Variants in BMP2K observed in about 807,000 individuals in gnomAD.
BMP2K encodes the protein BMP-2-inducible protein kinase.
Under a neutral mutation model 116.0 loss-of-function variants are expected in BMP2K, and 74 were observed. The observed-to-expected ratio is 0.64, with a 90% CI of 0.53 to 0.77. The LOEUF (loss-of-function observed/expected upper bound fraction) is 0.77. BMP2K is among the 30% of genes least tolerant of loss of function. BMP2K has a pLI of 0.00. For synonymous variants in BMP2K, 486 were observed against 502.5 expected, an observed-to-expected ratio of 0.97 and a Z score of 0.44; for missense variants, 1,365 against 1,403.6, an observed-to-expected ratio of 0.97 and a Z score of 0.44.
intron 15 of BMP2K, among the ~76,000 whole-genome samples, chr4:78,902,645 G>A (rs1734069729): frequency 6.6e-6 from 1 of 152,068 alleles, no homozygotes; most frequent in African/African-American, 2.4e-5. Flanking sequence ...AATCTGATAG[G>A]TAAGAAAAGA....
chr4:78,843,054 A>G (rs1436649712), intron 4 of BMP2K, among the ~76,000 whole-genome samples: 1 of 151,942 alleles, frequency 6.6e-6, no homozygotes, highest in Non-Finnish European at 1.5e-5. Context: ...TTGACCTCTT[A>G]TATTGGTACC....
At chr4:78,797,330 T>G (rs1728346204) in intron 1 of BMP2K, among the ~76,000 whole-genome samples, 1 of 152,186 alleles carries the variant, frequency 6.6e-6, no homozygotes, top group Non-Finnish European at 1.5e-5. Context: ...CCAAAAGTGA[T>G]CAAATCAGTC....
intron 15 of BMP2K, among the ~76,000 whole-genome samples, chr4:78,903,367 TTAAG>T (rs773759567): frequency 3.3e-5 from 5 of 152,012 alleles, no homozygotes; most frequent in Non-Finnish European, 4.4e-5. Context: ...TCACAACTTT[TTAAG>T]TAAGTAAGCT....
intron 4 of BMP2K, 95 bp from the exon 5 acceptor site, chr4:78,844,833 G>A (rs1300902093): frequency 1.8e-6 from 2 of 1,100,492 alleles, no homozygotes; most frequent in African/African-American, 1.6e-5. Flanking sequence ...GTAAAAATAA[G>A]CTTCGTATGT....
chr4:78,786,260 C>G (rs568677034), intron 1 of BMP2K, among the ~76,000 whole-genome samples: 105 of 152,224 alleles, frequency 6.9e-4, no homozygotes, highest in Non-Finnish European at 1.1e-3. Flanking sequence ...GATCCCTCAT[C>G]CCTTGCACTA....
intron 15 of BMP2K, among the ~76,000 whole-genome samples, chr4:78,899,443 A>G (rs1733883055): frequency 6.6e-6 from 1 of 152,194 alleles, no homozygotes; most frequent in Non-Finnish European, 1.5e-5. Context: ...ATTTAGACAC[A>G]AAAGAAGACA....
At chr4:78,876,634 G>A (rs1479563036) in intron 13 of BMP2K, among the ~76,000 whole-genome samples, 1 of 152,088 alleles carries the variant, frequency 6.6e-6, no homozygotes, top group Non-Finnish European at 1.5e-5. Flanking sequence ...TAAATTTAGG[G>A]GATCAGTTAA....
intron 14 of BMP2K, among the ~76,000 whole-genome samples, chr4:78,882,825 C>T (rs1732927209): frequency 6.6e-6 from 1 of 151,912 alleles, no homozygotes; most frequent in Admixed American, 6.6e-5. Context: ...TATGAAGCCA[C>T]AGAATGATAA....
intron 12 of BMP2K, 195 bp from the exon 13 acceptor site, chr4:78,872,419 C>G: frequency 2.3e-6 from 1 of 434,276 alleles, no homozygotes; most frequent in South Asian, 4.8e-5. Flanking sequence ...GTGAGCCTAC[C>G]TTTACAACTT....
At chr4:78,867,437 G>A (rs1388986874) in intron 10 of BMP2K, among the ~76,000 whole-genome samples, 1 of 152,134 alleles carries the variant, frequency 6.6e-6, no homozygotes. Flanking sequence ...AGACTTAGCT[G>A]TGATTGCCAG....
chr4:78,808,118 G>A (rs1265768878), intron 1 of BMP2K, among the ~76,000 whole-genome samples: 1 of 151,756 alleles, frequency 6.6e-6, no homozygotes, highest in Non-Finnish European at 1.5e-5. Context: ...GCAGTGGTGT[G>A]ATCTTGGCTC....
chr4:78,906,186 T>A (rs1180422299), intron 15 of BMP2K: 1 of 152,068 alleles, frequency 6.6e-6, no homozygotes, highest in East Asian at 1.9e-4. Flanking sequence ...GGATTAATAG[T>A]TTGTCTTAGT....
intron 1 of BMP2K, among the ~76,000 whole-genome samples, chr4:78,807,556 TTTTTTTC>T (rs1332522993): frequency 7.2e-5 from 11 of 152,106 alleles, no homozygotes; most frequent in Admixed American, 2.0e-4. Context: ...TGGGCTTTTC[TTTTTTTC>T]TTTTTTCTTT....
At chr4:78,882,684 A>G (rs192962042) in intron 14 of BMP2K, among the ~76,000 whole-genome samples, 1 of 151,954 alleles carries the variant, frequency 6.6e-6, no homozygotes, top group African/African-American at 2.4e-5. Flanking sequence ...TTACTTCATG[A>G]AATATATTTC....
At chr4:78,907,817 A>G (rs1171734096) in intron 15 of BMP2K, among the ~76,000 whole-genome samples, 2 of 152,088 alleles carry the variant, frequency 1.3e-5, no homozygotes, top group East Asian at 1.9e-4. Context: ...TTTGGGCAAC[A>G]TTGGAATGTT....
At chr4:78,843,338 A>G (rs527475514) in intron 4 of BMP2K, among the ~76,000 whole-genome samples, 3 of 151,936 alleles carry the variant, frequency 2.0e-5, no homozygotes, top group African/African-American at 7.2e-5. Context: ...TTCCTGTGAT[A>G]CTGTATAATT....
intron 15 of BMP2K, among the ~76,000 whole-genome samples, chr4:78,904,796 A>G (rs1734203536): frequency 6.6e-6 from 1 of 151,956 alleles, no homozygotes; most frequent in Non-Finnish European, 1.5e-5. Context: ...GAAATGGCTT[A>G]ATTATTAATT....
chr4:78,820,999 G>C (rs1025034745), intron 1 of BMP2K, among the ~76,000 whole-genome samples: 1 of 152,136 alleles, frequency 6.6e-6, no homozygotes, highest in African/African-American at 2.4e-5. Flanking sequence ...TTTTGTAAAA[G>C]TAATTTCTCA....
At chr4:78,891,739 C>CT (rs1733451649) in intron 15 of BMP2K, among the ~76,000 whole-genome samples, 1 of 152,154 alleles carries the variant, frequency 6.6e-6, no homozygotes, top group Admixed American at 6.5e-5. Context: ...ATCTTTCACT[C>CT]TAAGAGTTTC....
Sources: allele counts gnomAD v4.1 joint callset (sites outside exome capture counted in the v4.1 genomes callset), GRCh38; gene constraint gnomAD v4.1.1; transcripts MANE v1.5; gene names NCBI Gene and HGNC (gene_info 2026-07-23, HGNC 2026-07-21).